The following TENM2 variants were observed in gnomAD, a reference collection of about 807,000 sequenced individuals.
The protein encoded by TENM2 is teneurin-2.
TENM2 carries 52 observed loss-of-function variants against 245.2 expected under a neutral mutation model. The observed-to-expected ratio is 0.21, with a 90% CI of 0.17 to 0.27. The LOEUF is 0.27. TENM2 is among the 10% of genes least tolerant of loss of function. The pLI, the probability that TENM2 is intolerant of heterozygous loss-of-function variation, is 1.00. For synonymous variants in TENM2, 1,363 were observed against 1,438.9 expected, an observed-to-expected ratio of 0.95 and a Z score of 1.19; for missense variants, 3,046 against 3,666.8, an observed-to-expected ratio of 0.83 and a Z score of 4.37.
At chr5:167,250,058 A>G in the TENM2 span, among the ~76,000 whole-genome samples, 1 of 152,206 alleles carries the variant, frequency 6.6e-6, no homozygotes, top group Non-Finnish European at 1.5e-5. Flanking sequence ...GCTGTGCAAT[A>G]TGGTAGCCAC....
At chr5:167,758,999 T>A (rs1033894227) in intron 2 of TENM2, among the ~76,000 whole-genome samples, 14 of 151,622 alleles carry the variant, frequency 9.2e-5, no homozygotes, top group Non-Finnish European at 1.8e-4. Flanking sequence ...AAATAATAAT[T>A]GTTTCATAAA....
At chr5:167,469,404 A>C (rs2127506931) in intron 2 of TENM2, among the ~76,000 whole-genome samples, 1 of 152,262 alleles carries the variant, frequency 6.6e-6, no homozygotes, top group South Asian at 2.1e-4. Context: ...TTCCCAAGTA[A>C]AGATTAAATT....
At chr5:167,893,362 G>A (rs1774915701) in intron 3 of TENM2, among the ~76,000 whole-genome samples, 1 of 152,198 alleles carries the variant, frequency 6.6e-6, no homozygotes, top group Admixed American at 6.5e-5. Flanking sequence ...CGTCAGACAA[G>A]TTGAGCAGAC....
chr5:167,688,283 C>T (rs1757208569), intron 2 of TENM2, among the ~76,000 whole-genome samples: 1 of 152,112 alleles, frequency 6.6e-6, no homozygotes, highest in African/African-American at 2.4e-5. Context: ...TCTTTTTTCT[C>T]TTACTGTATT....
intron 19 of TENM2, among the ~76,000 whole-genome samples, chr5:168,207,429 C>A (rs1428627332): frequency 6.6e-6 from 1 of 152,264 alleles, no homozygotes; most frequent in South Asian, 2.1e-4. Flanking sequence ...CAGCTTGAGG[C>A]GGAATGTGGC....
At chr5:167,889,743 GAA>G (rs1774595420) in intron 3 of TENM2, among the ~76,000 whole-genome samples, 2 of 152,098 alleles carry the variant, frequency 1.3e-5, no homozygotes, top group East Asian at 3.9e-4. Context: ...TTTTAAAGAT[GAA>G]AAGAGATAGG....
chr5:168,161,808 G>A (rs1472889396), intron 12 of TENM2, among the ~76,000 whole-genome samples: 2 of 115,568 alleles, frequency 1.7e-5, no homozygotes, highest in Non-Finnish European at 3.4e-5. Flanking sequence ...AGACACGTGA[G>A]CGCATGTATA....
intron 2 of TENM2, among the ~76,000 whole-genome samples, chr5:167,394,226 A>T (rs1761923780): frequency 6.6e-6 from 1 of 151,858 alleles, no homozygotes; most frequent in Non-Finnish European, 1.5e-5. Context: ...TTCTTTCCCA[A>T]TTTTTTTTAG....
At chr5:167,523,644 A>G (rs931549482) in intron 2 of TENM2, among the ~76,000 whole-genome samples, 1 of 152,180 alleles carries the variant, frequency 6.6e-6, no homozygotes, top group Non-Finnish European at 1.5e-5. Context: ...TGAGGGCTGC[A>G]ATGTCTGAAA....
chr5:167,541,745 A>G (rs1280697694), intron 2 of TENM2, among the ~76,000 whole-genome samples: 1 of 152,202 alleles, frequency 6.6e-6, no homozygotes, highest in Non-Finnish European at 1.5e-5. Flanking sequence ...ACCTCCAAGG[A>G]GCATTAATTC....
chr5:167,704,891 G>A (rs1267961769), intron 2 of TENM2, among the ~76,000 whole-genome samples: 1 of 152,228 alleles, frequency 6.6e-6, no homozygotes, highest in East Asian at 1.9e-4. Flanking sequence ...AAAAGAGCAT[G>A]TGTTAGGTCT....
intron 13 of TENM2, among the ~76,000 whole-genome samples, chr5:168,182,161 A>G (rs549744338): frequency 1.3e-5 from 2 of 152,216 alleles, no homozygotes; most frequent in East Asian, 1.9e-4. Flanking sequence ...TACAGAGGCA[A>G]TGAAGAACTA....
chr5:167,236,881 C>G, the TENM2 span, among the ~76,000 whole-genome samples: 11 of 141,394 alleles, frequency 7.8e-5, no homozygotes, highest in African/African-American at 2.9e-4. Context: ...ACTTCTATAC[C>G]TTTTTTTTTT....
chr5:168,160,439 G>A (rs1757646416), intron 12 of TENM2, among the ~76,000 whole-genome samples: 1 of 152,208 alleles, frequency 6.6e-6, no homozygotes, highest in African/African-American at 2.4e-5. Context: ...GCAAACACTG[G>A]TGCTTTACTT....
rs74660872 is a variant in TENM2, at chr5:167,623,862, A to G, written c.502+248389A>G. 3.7e-3 allele frequency among the ~76,000 whole-genome samples: 570 copies of G among 152,256 alleles called. 1 individual carries two copies. The highest frequency in any genetic ancestry group is 0.013 in the African/African-American group (535 of 41,546). On this transcript the variant is annotated intron_variant, in intron 2 of 28. Transcript: ENST00000518659. Reference sequence around the variant, plus strand: ...GTATTTAAAAGTTAGGTGTTTTTCCATGGTAAGATACCATCTCACACCAGT... The same window carrying G: ...GTATTTAAAAGTTAGGTGTTTTTCCGTGGTAAGATACCATCTCACACCAGT...
chr5:168,153,601 G>A (rs1756846791), intron 12 of TENM2, among the ~76,000 whole-genome samples: 2 of 152,250 alleles, frequency 1.3e-5, no homozygotes, highest in South Asian at 4.1e-4. Flanking sequence ...AATGTGACAT[G>A]AGAAGAGAGA....
chr5:167,304,962 C>T (rs575294209), intron 1 of TENM2, among the ~76,000 whole-genome samples: 1 of 152,232 alleles, frequency 6.6e-6, no homozygotes, highest in African/African-American at 2.4e-5. Flanking sequence ...CTGCCATGTA[C>T]GTGACATTTA....
intron 1 of TENM2, among the ~76,000 whole-genome samples, chr5:167,318,174 T>C (rs1383919545): frequency 6.6e-6 from 1 of 152,194 alleles, no homozygotes; most frequent in Non-Finnish European, 1.5e-5. Context: ...TTCACTCCTG[T>C]TGGCTCTGTC....
At chr5:167,741,804 C>G (rs1761194011) in intron 2 of TENM2, among the ~76,000 whole-genome samples, 1 of 152,192 alleles carries the variant, frequency 6.6e-6, no homozygotes, top group Non-Finnish European at 1.5e-5. Context: ...CCCAATGTAT[C>G]TAAAAGGAGC....
Sources: gnomAD v4.1 joint callset for allele counts (sites outside exome capture counted in the v4.1 genomes callset) on GRCh38, gnomAD v4.1.1 for gene constraint, MANE v1.5 for transcripts, NCBI Gene and HGNC (gene_info 2026-07-23, HGNC 2026-07-21) for gene names.